CFAP54: variants seen among roughly 807,000 people sequenced by gnomAD.
CFAP54 encodes the protein cilia- and flagella-associated protein 54.
CFAP54 carries 290 observed loss-of-function variants against 370.4 expected under a neutral mutation model. That is an observed-to-expected ratio of 0.78 (90% CI 0.71 to 0.86). The LOEUF is 0.86. CFAP54 is among the 40% of genes least tolerant of loss of function. The pLI, the probability that CFAP54 is intolerant of heterozygous loss-of-function variation, is 0.00. For synonymous variants in CFAP54, 1,206 were observed against 1,236.5 expected, an observed-to-expected ratio of 0.98 and a Z score of 0.52; for missense variants, 3,399 against 3,528.7, an observed-to-expected ratio of 0.96 and a Z score of 0.93.
rs1031384649 is a variant in CFAP54 at position 96,702,614 on chromosome 12, T to C, written c.6475-2129T>C. ...TTTACAAGTAGATTCCAAACTTCAT[T>C]TTTATCAACTAGTTTTCATAAGATA... is the stretch of plus-strand genomic sequence containing the variant. On this transcript the variant is annotated intron_variant, in intron 46 of 67. Coordinates refer to ENST00000524981, the MANE Select transcript of CFAP54 (RefSeq NM_001306084.2). Among the ~76,000 whole-genome samples, 5 of 152,338 alleles carry C rather than the reference T, an allele frequency of 3.3e-5. No homozygotes were observed. In the East Asian group the frequency reaches 5.8e-4, roughly 18 times the overall value.
In CFAP54 at chr12:96,707,871, G is replaced by A. The variant is rs957933798; in HGVS notation, c.6529-737G>A. Among the ~76,000 whole-genome samples the A allele has an allele frequency of 3.9e-5, 6 of 152,044 alleles. No homozygotes were observed. In the East Asian group the frequency reaches 5.8e-4, roughly 15 times the overall value. On this transcript the variant is annotated intron_variant, in intron 47 of 67. Coordinates refer to ENST00000524981, the MANE Select transcript of CFAP54 (RefSeq NM_001306084.2). Reference sequence around the variant, plus strand: ...GGCTGGGAGGAAACCAGGGAAGGAAGGGTTAGAATTTAGAGGAGAGAAGGG... The same window carrying A: ...GGCTGGGAGGAAACCAGGGAAGGAAAGGTTAGAATTTAGAGGAGAGAAGGG...
chr12:96,799,540 T>C (rs1395402982), intron 63 of CFAP54, among the ~76,000 whole-genome samples: 1 of 152,178 alleles, frequency 6.6e-6, no homozygotes, highest in East Asian at 1.9e-4. Flanking sequence ...ATTTCTCACT[T>C]TGGCCCCTTC....
At chr12:96,717,453 A>G (rs980124770) in intron 48 of CFAP54, among the ~76,000 whole-genome samples, 2 of 152,058 alleles carry the variant, frequency 1.3e-5, no homozygotes, top group Non-Finnish European at 2.9e-5. Context: ...TTATTTCAGA[A>G]TTTTTCTTTG....
intron 3 of CFAP54, among the ~76,000 whole-genome samples, 197 bp from the exon 4 acceptor site, chr12:96,506,731 C>G (rs1310872834): frequency 6.6e-6 from 1 of 151,908 alleles, no homozygotes; most frequent in African/African-American, 2.4e-5. Flanking sequence ...GGATTACACG[C>G]ATGTGCCACC....
chr12:96,610,846 A>C (rs938330624), intron 26 of CFAP54, among the ~76,000 whole-genome samples: 1 of 152,162 alleles, frequency 6.6e-6, no homozygotes, highest in African/African-American at 2.4e-5. Flanking sequence ...GGGGAGGGGC[A>C]CCTGCCATTG....
At chr12:96,579,726 T>C (rs1262439356) in intron 20 of CFAP54, among the ~76,000 whole-genome samples, 1 of 152,126 alleles carries the variant, frequency 6.6e-6, no homozygotes, top group Non-Finnish European at 1.5e-5. Flanking sequence ...GCTCCCTTTT[T>C]CTCTGTAGGG....
At chr12:96,800,502 G>C (rs1261485135) in intron 63 of CFAP54, among the ~76,000 whole-genome samples, 1 of 152,186 alleles carries the variant, frequency 6.6e-6, no homozygotes, top group Non-Finnish European at 1.5e-5. Context: ...ATTGGGTCAT[G>C]ATAAAAGATG....
intron 3 of CFAP54, 105 bp from the exon 4 acceptor site, chr12:96,506,823 G>A: frequency 2.2e-6 from 2 of 920,742 alleles, no homozygotes; most frequent in Non-Finnish European, 1.6e-6. Flanking sequence ...CTGACCTCAG[G>A]TGATTTGCCC....
In CFAP54 at chr12:96,765,114, G is replaced by T. The variant is rs1376970286; in HGVS notation, c.8177G>T (p.Gly2726Val). ...GTGCTGGCAATTAACTTACTTATTGGAAAGAAGAATACTAGAATGCATAAA... is the reference window on the plus strand; with the variant it reads ...GTGCTGGCAATTAACTTACTTATTGTAAAGAAGAATACTAGAATGCATAAA... The part of the protein sequence containing the change: ...EAVLAINLLI[G>V]KKNTRMHKVN... The change falls in exon 60 of 68, where the codon GGA becomes GTA. Residue 2726 changes from glycine to valine, a missense_variant. Gly to Val is a moderately radical substitution (Grantham distance 109, BLOSUM62 -3). Transcript: ENST00000524981. 6.7e-7 allele frequency: 1 copy of T among 1,492,980 alleles called. No individual in the cohort carries two copies. 92.5% of individuals were successfully genotyped at this position (1,492,980 alleles called of 1,614,324 possible). A position where few individuals can be genotyped will look rare whatever the true frequency, so the allele number is the denominator to read the frequency against.
chr12:96,506,526 C>T (rs966789027), intron 3 of CFAP54, among the ~76,000 whole-genome samples: 4 of 150,152 alleles, frequency 2.7e-5, no homozygotes, highest in African/African-American at 2.4e-5. Flanking sequence ...TAGTTTTTTA[C>T]ATTTTGAGAA....
rs550809731 is a variant in CFAP54 at position 96,841,773 on chromosome 12, C to T, written c.9171+12685C>T. ...TGAAAGACCTCAGGTCAACTAGATT[C>T]GTCGAAGGTCTCTGAAGCAATGTAT... is the stretch of plus-strand genomic sequence containing the variant. On this transcript the variant is annotated intron_variant, in intron 66 of 67. Transcript: ENST00000524981. Among the ~76,000 whole-genome samples, 11 of 152,332 alleles carry T rather than the reference C, an allele frequency of 7.2e-5. 1 individual carries two copies. The highest frequency in any genetic ancestry group is 2.2e-4 in the African/African-American group (9 of 41,574).
intron 32 of CFAP54, among the ~76,000 whole-genome samples, chr12:96,635,646 T>G (rs764846260): frequency 1.3e-5 from 2 of 152,202 alleles, no homozygotes; most frequent in Non-Finnish European, 2.9e-5. Context: ...TGCCACCACT[T>G]CAGAGGCCAC....
chr12:96,645,385 C>A (rs1956776653), intron 33 of CFAP54: 1 of 290,908 alleles, frequency 3.4e-6, no homozygotes. Context: ...AGGAATCCAA[C>A]TTACAAGGGA....
At chr12:96,507,612 T>TA (rs34879891) in intron 4 of CFAP54, among the ~76,000 whole-genome samples, 3 of 151,994 alleles carry the variant, frequency 2.0e-5, no homozygotes, top group Non-Finnish European at 2.9e-5. Flanking sequence ...GACTCTCAGC[T>TA]AAAAAATGTA....
intron 5 of CFAP54, among the ~76,000 whole-genome samples, chr12:96,516,011 G>A (rs1955229502): frequency 6.6e-6 from 1 of 150,824 alleles, no homozygotes; most frequent in Non-Finnish European, 1.5e-5. Flanking sequence ...CACCTCCCGG[G>A]TTCACGCCAT....
intron 47 of CFAP54, among the ~76,000 whole-genome samples, chr12:96,707,831 G>A (rs1293830380): frequency 6.6e-6 from 1 of 152,034 alleles, no homozygotes; most frequent in Non-Finnish European, 1.5e-5. Flanking sequence ...GTGAAGTGGA[G>A]GAAGCAAGGT....
intron 46 of CFAP54, among the ~76,000 whole-genome samples, chr12:96,702,379 A>G (rs1200494956): frequency 1.3e-5 from 2 of 152,158 alleles, no homozygotes; most frequent in South Asian, 2.1e-4. Context: ...GAGAGATTTA[A>G]AATCACGGAA....
intron 26 of CFAP54, among the ~76,000 whole-genome samples, chr12:96,616,475 A>G (rs1956419277): frequency 6.6e-6 from 1 of 152,240 alleles, no homozygotes; most frequent in Non-Finnish European, 1.5e-5. Flanking sequence ...ACAAAACTGC[A>G]TGTTGTACAC....
chr12:96,791,063 T>C (rs1450097234), intron 62 of CFAP54, among the ~76,000 whole-genome samples: 3 of 152,178 alleles, frequency 2.0e-5, no homozygotes, highest in Non-Finnish European at 4.4e-5. Flanking sequence ...TCCTCAAACC[T>C]TGACAGGCCT....
Sources: allele counts gnomAD v4.1 joint callset (sites outside exome capture counted in the v4.1 genomes callset), GRCh38; gene constraint gnomAD v4.1.1; transcripts MANE v1.5; gene names NCBI Gene and HGNC (gene_info 2026-07-23, HGNC 2026-07-21).